Variants in NECAB3 observed in about 807,000 individuals in gnomAD.
The protein encoded by NECAB3 is N-terminal EF-hand calcium-binding protein 3.
A neutral mutation model predicts 57.2 loss-of-function variants in NECAB3; 38 were observed. The observed-to-expected ratio is 0.66, with a 90% CI of 0.51 to 0.87. The LOEUF (loss-of-function observed/expected upper bound fraction) is 0.87. Ranked by LOEUF, NECAB3 falls within the 40% of genes least tolerant of loss-of-function variation. NECAB3 has a pLI of 0.00. For synonymous variants in NECAB3, 223 were observed against 222.6 expected, an observed-to-expected ratio of 1.00 and a Z score of -0.02; for missense variants, 474 against 527.5, an observed-to-expected ratio of 0.90 and a Z score of 0.99.
chr20:33,672,775 TGAG>T (rs978854810), intron 1 of NECAB3, among the ~76,000 whole-genome samples: 20 of 152,110 alleles, frequency 1.3e-4, no homozygotes, highest in African/African-American at 4.8e-4. Flanking sequence ...TGAGGAAGGT[TGAG>T]GAGATGGGCC....
rs2017321547 is a variant in NECAB3 at position 33,657,449 on chromosome 20, G to C, written c.*380C>G. On this transcript the variant is annotated 3_prime_UTR_variant, in exon 12 of 12. Coordinates refer to ENST00000246190, the MANE Select transcript of NECAB3 (RefSeq NM_031232.4). ...GCTGGCTGAGGAGGAGCAGAAGCCT[G>C]GTCCCAAGACAGCAGGAAGAAAGCA... is the stretch of plus-strand genomic sequence containing the variant. 1 of 244,788 alleles carries C rather than the reference G, an allele frequency of 4.1e-6. No homozygotes were observed. 15.2% of individuals were successfully genotyped at this position (244,788 alleles called of 1,614,324 possible). A position where few individuals can be genotyped will look rare whatever the true frequency, so the allele number is the denominator to read the frequency against.
At chr20:33,669,072 G>T (rs914386236) in intron 5 of NECAB3, 2 of 374,684 alleles carry the variant, frequency 5.3e-6, no homozygotes, top group Non-Finnish European at 9.7e-6. Flanking sequence ...CCCCTAGTAT[G>T]AAGCACCCAG....
intron 5 of NECAB3, among the ~76,000 whole-genome samples, chr20:33,666,174 C>T (rs879681733): frequency 6.6e-6 from 1 of 152,196 alleles, no homozygotes; most frequent in Non-Finnish European, 1.5e-5. Context: ...CAGAGCCTCT[C>T]GGGGGCTCTT....
chr20:33,659,105 T>C (rs903099797), intron 8 of NECAB3, among the ~76,000 whole-genome samples: 3 of 152,164 alleles, frequency 2.0e-5, no homozygotes, highest in Non-Finnish European at 4.4e-5. Flanking sequence ...CCTTCTTGAC[T>C]GATGCCAGAT....
intron 5 of NECAB3, chr20:33,667,818 C>T (rs1186527323): frequency 6.2e-7 from 1 of 1,612,156 alleles, no homozygotes; most frequent in Admixed American, 1.7e-5. Flanking sequence ...CCAGTTTCAG[C>T]GTGGGTAACG....
intron 2 of NECAB3, 57 bp downstream of exon 2, chr20:33,672,333 TCCCTGGGC>T: frequency 6.3e-7 from 1 of 1,598,246 alleles, no homozygotes; most frequent in Non-Finnish European, 8.6e-7. Context: ...CTCCCAACTC[TCCCTGGGC>T]CTCCTGGATG....
rs11273422 is a variant in NECAB3, at chr20:33,663,406, TGACAGGACCCGGGTGGAC to T, written c.388-3029_388-3012del. 8.2e-3 allele frequency: 8,474 copies of T among 1,039,444 alleles called. 427 individuals carry two copies. In the African/African-American group the frequency reaches 0.12, roughly 15 times the overall value. 64.4% of individuals were successfully genotyped at this position (1,039,444 alleles called of 1,614,324 possible). ...CCCTCCAGCCCTGTGCACGAGAGGA[TGACAGGACCCGGGTGGAC>T]GACAGGACCCGGGTGGACGAGGGTC... On this transcript the variant is annotated intron_variant, in intron 5 of 11. Coordinates refer to ENST00000246190, the MANE Select transcript of NECAB3 (RefSeq NM_031232.4).
intron 5 of NECAB3, chr20:33,667,509 C>T (rs878907852): frequency 1.3e-6 from 2 of 1,521,496 alleles, no homozygotes; most frequent in Non-Finnish European, 1.8e-6. Context: ...TGGCTAGCAC[C>T]GCGTTGCTGG....
upstream of NECAB3, chr20:33,674,488 G>C: frequency 2.5e-6 from 2 of 804,508 alleles, no homozygotes; most frequent in Non-Finnish European, 3.0e-6. Context: ...CCCCGCCCCC[G>C]CGGACGCCGG....
At chr20:33,674,461 C>T, upstream of NECAB3, 2 of 941,634 alleles carry the variant, frequency 2.1e-6, no homozygotes, top group African/African-American at 3.5e-5. Context: ...GACGCGCGGG[C>T]TCAGGCCCCG....
chr20:33,662,699 G>C (rs1357497094), intron 5 of NECAB3: 2 of 512,758 alleles, frequency 3.9e-6, no homozygotes, highest in South Asian at 4.8e-5. Flanking sequence ...CAACACGTTG[G>C]TAGGCCAAGG....
chr20:33,667,643 G>T, intron 5 of NECAB3: 1 of 1,607,640 alleles, frequency 6.2e-7, no homozygotes. Context: ...AACGTGGCAG[G>T]CAGCACCCTG....
intron 9 of NECAB3, 21 bp from the exon 10 acceptor site, chr20:33,658,575 GCAGGC>G: frequency 6.2e-7 from 1 of 1,613,548 alleles, no homozygotes; most frequent in Non-Finnish European, 8.5e-7. Flanking sequence ...AAAGAGATGG[GCAGGC>G]CAGGCCAGGG....
intron 5 of NECAB3, among the ~76,000 whole-genome samples, chr20:33,666,296 G>A (rs1272179021): frequency 1.3e-5 from 2 of 152,192 alleles, no homozygotes; most frequent in African/African-American, 4.8e-5. Context: ...TTTGGGAAAG[G>A]AATCAGACTG....
At chr20:33,659,451 C>T (rs1184161538) in intron 8 of NECAB3, 46 bp downstream of exon 8, 1 of 1,313,360 alleles carries the variant, frequency 7.6e-7, no homozygotes, top group Non-Finnish European at 1.0e-6. Context: ...TTCATGAGCA[C>T]CCCCAGACAC....
chr20:33,661,503 T>G (rs1307118444), intron 5 of NECAB3, among the ~76,000 whole-genome samples: 1 of 152,220 alleles, frequency 6.6e-6, no homozygotes, highest in Non-Finnish European at 1.5e-5. Context: ...CTTTTCATTC[T>G]CAGACAGGCC....
rs562093945 is a variant in NECAB3, at chr20:33,672,528, G to A, written c.130-106C>T. ...AGCTGGCCGACCTACCCCCTGCCTCGCCTTTCCTCCCGCCCAGCCTGGTCC... is the reference window on the plus strand; with the variant it reads ...AGCTGGCCGACCTACCCCCTGCCTCACCTTTCCTCCCGCCCAGCCTGGTCC... On this transcript the variant is annotated intron_variant, in intron 1 of 11. Coordinates refer to ENST00000246190, the MANE Select transcript of NECAB3 (RefSeq NM_031232.4). 97 of 1,369,982 alleles carry A rather than the reference G, an allele frequency of 7.1e-5. 1 individual carries two copies. The African/African-American group carries it at 9.4e-4, about 13-fold the overall frequency. The allele number at this position is 1,369,982 out of a possible 1,614,324, so 84.9% of individuals were successfully genotyped here.
chr20:33,670,840 C>A, intron 2 of NECAB3, 48 bp from the exon 3 acceptor site: 2 of 1,406,410 alleles, frequency 1.4e-6, no homozygotes, highest in South Asian at 1.2e-5. Flanking sequence ...ATCCCTGACC[C>A]TGACTGCACC....
intron 1 of NECAB3, 66 bp downstream of exon 1, chr20:33,674,158 C>T: frequency 8.2e-7 from 1 of 1,226,290 alleles, no homozygotes; most frequent in Non-Finnish European, 1.0e-6. Flanking sequence ...CCGAACAACC[C>T]CGGAGGGTGA....
Sources: gnomAD v4.1 joint callset for allele counts (sites outside exome capture counted in the v4.1 genomes callset) on GRCh38, gnomAD v4.1.1 for gene constraint, MANE v1.5 for transcripts, NCBI Gene and HGNC (gene_info 2026-07-23, HGNC 2026-07-21) for gene names.